PCDH9: variants seen among roughly 807,000 people sequenced by gnomAD.
PCDH9 encodes the protein protocadherin-9.
PCDH9 carries 24 observed loss-of-function variants against 70.6 expected under a neutral mutation model. That is an observed-to-expected ratio of 0.34 (90% CI 0.25 to 0.48). The LOEUF (loss-of-function observed/expected upper bound fraction) is 0.48, where lower values mean the gene tolerates loss of function less well. Ranked by LOEUF, PCDH9 falls within the 20% of genes least tolerant of loss-of-function variation. The pLI is 0.99. For synonymous variants in PCDH9, 562 were observed against 558.5 expected (o/e 1.01, Z -0.09); for missense variants, 1,281 against 1,503.6 (o/e 0.85, Z 2.45).
intron 2 of PCDH9, among the ~76,000 whole-genome samples, chr13:67,115,435 A>G (rs2138283286): frequency 6.6e-6 from 1 of 152,270 alleles, no homozygotes; most frequent in African/African-American, 2.4e-5. Context: ...AGAAGGATGA[A>G]GGAGCTCTCT....
At chr13:67,114,961 C>G (rs906103098) in intron 2 of PCDH9, among the ~76,000 whole-genome samples, 1 of 152,068 alleles carries the variant, frequency 6.6e-6, no homozygotes. Context: ...TACACTTACC[C>G]GTTTGTGTTA....
chr13:66,304,340 CTTACT>C lies in PCDH9; in HGVS notation c.*310_*314del, dbSNP rs1352130186. The C allele has an allele frequency of 6.5e-6, 1 of 153,868 alleles. No individual in the cohort carries two copies. The highest frequency in any genetic ancestry group is 7.0e-5 in the Admixed American group (1 of 14,210). The allele number at this position is 153,868 out of a possible 1,614,324, so 9.5% of individuals were successfully genotyped here. On this transcript the variant is annotated 3_prime_UTR_variant, in exon 5 of 5. Coordinates refer to ENST00000377865, the MANE Select transcript of PCDH9 (RefSeq NM_203487.3). ...CAGTCACTCTAATCCATGAAACTTT[CTTACT>C]TTCCAAATGCATATTCTATTGTTCA...
intron 2 of PCDH9, among the ~76,000 whole-genome samples, chr13:67,087,603 C>T (rs1397361222): frequency 6.6e-6 from 1 of 152,086 alleles, no homozygotes; most frequent in Non-Finnish European, 1.5e-5. Flanking sequence ...ATCCTCCCTC[C>T]AAGCTTTGTT....
At chr13:66,477,821 C>T (rs542634965) in intron 4 of PCDH9, among the ~76,000 whole-genome samples, 1 of 152,126 alleles carries the variant, frequency 6.6e-6, no homozygotes, top group Non-Finnish European at 1.5e-5. Flanking sequence ...TATCCTCATC[C>T]TCTTAAATTG....
intron 2 of PCDH9, among the ~76,000 whole-genome samples, chr13:66,917,287 G>A (rs2082572082): frequency 6.6e-6 from 1 of 151,386 alleles, no homozygotes; most frequent in African/African-American, 2.4e-5. Context: ...TGTAAAATTG[G>A]TACACACTTG....
intron 4 of PCDH9, among the ~76,000 whole-genome samples, chr13:66,471,285 T>C (rs926174567): frequency 1.3e-5 from 2 of 152,084 alleles, no homozygotes; most frequent in East Asian, 1.9e-4. Context: ...AGAGAACCAA[T>C]GGTGAAATAA....
chr13:66,328,510 TTA>T (rs1316705627), intron 4 of PCDH9, among the ~76,000 whole-genome samples: 1 of 152,214 alleles, frequency 6.6e-6, no homozygotes, highest in Non-Finnish European at 1.5e-5. Flanking sequence ...CAAGGTGGTA[TTA>T]TGATCTAGCC....
chr13:66,956,787 C>T (rs1276338787), intron 2 of PCDH9, among the ~76,000 whole-genome samples: 1 of 152,068 alleles, frequency 6.6e-6, no homozygotes, highest in Non-Finnish European at 1.5e-5. Flanking sequence ...GACTATGTGT[C>T]ATATCTCTAA....
At chr13:66,825,149 C>T (rs1267606628) in intron 3 of PCDH9, 2 of 151,370 alleles carry the variant, frequency 1.3e-5, no homozygotes, top group Non-Finnish European at 2.9e-5. Flanking sequence ...AGAATGTTCT[C>T]ATTTTATTTA....
At chr13:66,891,791 T>C (rs1315123221) in intron 3 of PCDH9, among the ~76,000 whole-genome samples, 1 of 152,056 alleles carries the variant, frequency 6.6e-6, no homozygotes, top group East Asian at 1.9e-4. Flanking sequence ...ATTTTATAAT[T>C]CACTATAAAC....
intron 3 of PCDH9, among the ~76,000 whole-genome samples, chr13:66,704,991 C>G (rs2078692823): frequency 6.6e-6 from 1 of 152,020 alleles, no homozygotes; most frequent in South Asian, 2.1e-4. Flanking sequence ...AAAAAAGTTA[C>G]ATTTGCAAAT....
At chr13:66,605,830 A>G (rs536304031) in intron 4 of PCDH9, among the ~76,000 whole-genome samples, 2 of 152,046 alleles carry the variant, frequency 1.3e-5, no homozygotes, top group East Asian at 3.9e-4. Context: ...GGATAGTAAG[A>G]CTTCATACAC....
At chr13:66,801,591 T>C (rs2139340914) in intron 3 of PCDH9, among the ~76,000 whole-genome samples, 1 of 152,172 alleles carries the variant, frequency 6.6e-6, no homozygotes, top group East Asian at 1.9e-4. Flanking sequence ...TTTTATTTGG[T>C]TGAGGATTAA....
intron 3 of PCDH9, among the ~76,000 whole-genome samples, chr13:66,709,879 G>C (rs552661027): frequency 3.6e-4 from 55 of 152,078 alleles, no homozygotes; most frequent in Non-Finnish European, 1.0e-4. Flanking sequence ...CATCATTTAA[G>C]AAGAAATATC....
At chr13:66,547,050 A>G (rs1961239888) in intron 4 of PCDH9, among the ~76,000 whole-genome samples, 2 of 152,200 alleles carry the variant, frequency 1.3e-5, no homozygotes, top group African/African-American at 4.8e-5. Flanking sequence ...TTTAGAATGT[A>G]TTCTGTCATT....
At chr13:67,002,032 G>T (rs1251409940) in intron 2 of PCDH9, 1 of 152,134 alleles carries the variant, frequency 6.6e-6, no homozygotes, top group African/African-American at 2.4e-5. Context: ...TTCAGAAAGA[G>T]TTACAGCCAC....
intron 3 of PCDH9, among the ~76,000 whole-genome samples, chr13:66,789,520 T>C (rs904743275): frequency 1.3e-5 from 2 of 152,112 alleles, no homozygotes; most frequent in African/African-American, 4.8e-5. Flanking sequence ...TTATTTTTTT[T>C]CCAGCTAGGA....
intron 4 of PCDH9, among the ~76,000 whole-genome samples, chr13:66,319,083 A>G (rs535706521): frequency 5.2e-4 from 79 of 152,314 alleles, no homozygotes; most frequent in Non-Finnish European, 8.4e-4. Flanking sequence ...GGGAGGCCTC[A>G]GGAAATTCAC....
chr13:66,309,987 A>G (rs1430443889), intron 4 of PCDH9, among the ~76,000 whole-genome samples: 1 of 151,926 alleles, frequency 6.6e-6, no homozygotes, highest in African/African-American at 2.4e-5. Context: ...ACACCAGTTT[A>G]TTTCCTTTCT....
Sources: gnomAD v4.1 joint callset for allele counts (sites outside exome capture counted in the v4.1 genomes callset) on GRCh38, gnomAD v4.1.1 for gene constraint, MANE v1.5 for transcripts, NCBI Gene and HGNC (gene_info 2026-07-23, HGNC 2026-07-21) for gene names.